The following ARHGAP15 variants were observed in gnomAD, a reference collection of about 807,000 sequenced individuals.
ARHGAP15 encodes the protein rho GTPase-activating protein 15.
In ARHGAP15, 51 loss-of-function variants were observed where a neutral mutation model predicts 63.7. The ratio of observed to expected loss-of-function variants is 0.80; its 90% CI spans 0.64 to 1.01. The LOEUF (loss-of-function observed/expected upper bound fraction) is 1.01, where lower values mean the gene tolerates loss of function less well. ARHGAP15 is among the 50% of genes least tolerant of loss of function. The pLI is 0.00. For synonymous variants in ARHGAP15, 191 were observed against 193.8 expected (o/e 0.99, Z 0.12); for missense variants, 560 against 564.6 (o/e 0.99, Z 0.08).
chr2:143,362,353 G>A (rs1686098202), intron 6 of ARHGAP15, among the ~76,000 whole-genome samples: 1 of 152,170 alleles, frequency 6.6e-6, no homozygotes, highest in African/African-American at 2.4e-5. Flanking sequence ...GTTGTGCTCT[G>A]TCCTAAAATA....
intron 12 of ARHGAP15, among the ~76,000 whole-genome samples, chr2:143,677,501 A>T (rs1011008322): frequency 2.0e-5 from 3 of 152,306 alleles, no homozygotes; most frequent in East Asian, 3.9e-4. Context: ...TATCTGTGTC[A>T]TATCACCCCT....
At chr2:143,489,543 GT>G (rs370947441) in intron 9 of ARHGAP15, among the ~76,000 whole-genome samples, 21 of 150,974 alleles carry the variant, frequency 1.4e-4, no homozygotes, top group Non-Finnish European at 2.7e-4. Flanking sequence ...AAGTTTTTGG[GT>G]TTTTTTTTCC....
chr2:143,184,741 G>A (rs143075701), intron 2 of ARHGAP15, among the ~76,000 whole-genome samples: 183 of 152,154 alleles, frequency 1.2e-3, no homozygotes, highest in African/African-American at 4.2e-3. Context: ...GAGTACAGTG[G>A]CGTGTTTATA....
chr2:143,214,341 A>G lies in ARHGAP15; in HGVS notation c.235-2043A>G, dbSNP rs552005851. On this transcript the variant is annotated intron_variant, in intron 3 of 13. Transcript: ENST00000295095. ...ATTTCTCAGTATACATTCCTAAAGA[A>G]AGGAACCTCCTTTGTGGTGGTAATT... 7.2e-5 allele frequency among the ~76,000 whole-genome samples: 11 copies of G among 152,308 alleles called. No individual in the cohort carries two copies. In the South Asian group the frequency reaches 1.2e-3, roughly 17 times the overall value.
intron 13 of ARHGAP15, among the ~76,000 whole-genome samples, chr2:143,724,669 T>C (rs1260140860): frequency 1.3e-5 from 2 of 152,120 alleles, no homozygotes; most frequent in African/African-American, 4.8e-5. Flanking sequence ...GAATTAGGTT[T>C]TTAGAGGAAT....
chr2:143,736,253 C>A (rs10172890), intron 13 of ARHGAP15, among the ~76,000 whole-genome samples: 43,720 of 151,786 alleles, frequency 0.29, 7,198 homozygotes, highest in Non-Finnish European at 0.38. Flanking sequence ...AAAAATTAGC[C>A]GGGCATGGTG....
chr2:143,171,431 C>T, intron 2 of ARHGAP15, among the ~76,000 whole-genome samples: 1 of 152,060 alleles, frequency 6.6e-6, no homozygotes, highest in East Asian at 1.9e-4. Flanking sequence ...GAGTGGGGGA[C>T]TGGCAGTAAA....
chr2:143,749,131 G>T (rs959561627), intron 13 of ARHGAP15, among the ~76,000 whole-genome samples: 6 of 152,098 alleles, frequency 3.9e-5, no homozygotes, highest in Non-Finnish European at 7.4e-5. Context: ...CTGTCAAAGA[G>T]AGCTTACCCT....
chr2:143,739,778 TAGAG>T (rs1685890119), intron 13 of ARHGAP15, among the ~76,000 whole-genome samples: 1 of 152,134 alleles, frequency 6.6e-6, no homozygotes, highest in African/African-American at 2.4e-5. Flanking sequence ...TGACAGAGGA[TAGAG>T]AGATCACATC....
intron 4 of ARHGAP15, among the ~76,000 whole-genome samples, chr2:143,226,608 A>G (rs956932829): frequency 6.6e-6 from 1 of 152,204 alleles, no homozygotes; most frequent in Non-Finnish European, 1.5e-5. Context: ...GCTGGTACCT[A>G]AAAGGCAAAA....
intron 12 of ARHGAP15, among the ~76,000 whole-genome samples, chr2:143,686,521 ATT>A (rs1001261203): frequency 6.6e-6 from 1 of 151,312 alleles, no homozygotes; most frequent in Non-Finnish European, 1.5e-5. Context: ...TATTTAAAAT[ATT>A]TCCCACCTTG....
intron 6 of ARHGAP15, among the ~76,000 whole-genome samples, chr2:143,356,167 G>T (rs1216876568): frequency 6.6e-6 from 1 of 152,084 alleles, no homozygotes; most frequent in African/African-American, 2.4e-5. Flanking sequence ...ATAACCTTTT[G>T]CATGTACCTG....
At chr2:143,409,333 CT>C (rs536066223) in intron 6 of ARHGAP15, among the ~76,000 whole-genome samples, 16 of 148,348 alleles carry the variant, frequency 1.1e-4, no homozygotes, top group South Asian at 6.4e-4. Context: ...ATGAGAGAAT[CT>C]TTTTTTTTTA....
intron 11 of ARHGAP15, among the ~76,000 whole-genome samples, chr2:143,599,777 C>T (rs1001225834): frequency 6.6e-6 from 1 of 152,096 alleles, no homozygotes; most frequent in African/African-American, 2.4e-5. Flanking sequence ...CTGGGTGACA[C>T]GGATCACTTT....
At chr2:143,641,439 A>C (rs548216395) in intron 12 of ARHGAP15, among the ~76,000 whole-genome samples, 8 of 152,156 alleles carry the variant, frequency 5.3e-5, no homozygotes, top group Admixed American at 3.3e-4. Context: ...TTTGTTCAAC[A>C]GATGGCTAGA....
chr2:143,629,974 C>T (rs1698998896), intron 12 of ARHGAP15, among the ~76,000 whole-genome samples: 2 of 152,072 alleles, frequency 1.3e-5, no homozygotes, highest in Admixed American at 1.3e-4. Context: ...TACTTTGTAT[C>T]ATTGTATATT....
At chr2:143,542,245 G>T (rs747928614) in intron 10 of ARHGAP15, among the ~76,000 whole-genome samples, 1 of 152,160 alleles carries the variant, frequency 6.6e-6, no homozygotes, top group Non-Finnish European at 1.5e-5. Flanking sequence ...ATCGGGGTGG[G>T]AGTGACCCGA....
chr2:143,135,885 A>C (rs1454978487), intron 1 of ARHGAP15, among the ~76,000 whole-genome samples: 1 of 152,086 alleles, frequency 6.6e-6, no homozygotes, highest in African/African-American at 2.4e-5. Flanking sequence ...TAGTTTCATG[A>C]CCTTAAATGT....
intron 8 of ARHGAP15, among the ~76,000 whole-genome samples, chr2:143,486,699 C>T (rs563885718): frequency 6.6e-6 from 1 of 152,284 alleles, no homozygotes; most frequent in East Asian, 1.9e-4. Context: ...AGTAGACATT[C>T]AGCAAATATT....
Sources: allele counts gnomAD v4.1 joint callset (sites outside exome capture counted in the v4.1 genomes callset), GRCh38; gene constraint gnomAD v4.1.1; transcripts MANE v1.5; gene names NCBI Gene and HGNC (gene_info 2026-07-23, HGNC 2026-07-21).